The following C6orf163 variants were observed in gnomAD, a reference collection of about 807,000 sequenced individuals.
C6orf163 encodes chromosome 6 open reading frame 163, also known as uncharacterized protein C6orf163.
A neutral mutation model predicts 28.4 loss-of-function variants in C6orf163; 22 were observed. That is an observed-to-expected ratio of 0.78 (90% CI 0.55 to 1.11). The LOEUF is 1.11. Ranked by LOEUF, C6orf163 falls within the 50% of genes least tolerant of loss-of-function variation. The pLI is 0.00. For synonymous variants in C6orf163, 110 were observed against 123.6 expected, an observed-to-expected ratio of 0.89 and a Z score of 0.73; for missense variants, 342 against 389.1, an observed-to-expected ratio of 0.88 and a Z score of 1.02.
At chr6:87,356,721 C>A in intron 4 of C6orf163, 1 of 503,248 alleles carries the variant, frequency 2.0e-6, no homozygotes, top group Admixed American at 3.4e-5. Context: ...ACCTACCACC[C>A]AGCTTAAGGG....
rs568018273 is a variant in C6orf163 at position 87,350,133 on chromosome 6, CA to C, written c.244-260del. ...AAAAGGCAACCCAGCAGCCTACATA[CA>C]GTAAAGCTGCCTTGCCTTTAGCGAT... On this transcript the variant is annotated intron_variant, in intron 2 of 4. Transcript: ENST00000388923. Among the ~76,000 whole-genome samples, 1,006 of 152,350 alleles carry C rather than the reference CA, an allele frequency of 6.6e-3. 6 individuals are homozygous for C. The highest frequency in any genetic ancestry group is 0.012 in the South Asian group (59 of 4,832).
At chr6:87,363,124 T>C (rs1003591026) in intron 4 of C6orf163, among the ~76,000 whole-genome samples, 1 of 152,192 alleles carries the variant, frequency 6.6e-6, no homozygotes, top group South Asian at 2.1e-4. Flanking sequence ...ATTGAATTAA[T>C]GTATGCATAG....
At chr6:87,364,923 A>T (rs1366190186) in intron 4 of C6orf163, 38 bp from the exon 5 acceptor site, 1 of 1,442,150 alleles carries the variant, frequency 6.9e-7, no homozygotes, top group Non-Finnish European at 9.3e-7. Flanking sequence ...TTTAGTGGCC[A>T]ATCCATCTAA....
intron 3 of C6orf163, among the ~76,000 whole-genome samples, chr6:87,354,877 T>C (rs544258422): frequency 1.3e-5 from 2 of 152,336 alleles, no homozygotes; most frequent in Non-Finnish European, 2.9e-5. Context: ...TCTCTTGACT[T>C]TCTCTCAGCT....
At chr6:87,345,298 G>A in intron 1 of C6orf163, 51 bp downstream of exon 1, 3 of 1,434,910 alleles carry the variant, frequency 2.1e-6, no homozygotes, top group African/African-American at 1.5e-5. Flanking sequence ...AGCCTTATGT[G>A]TCATTCTTTC....
intron 3 of C6orf163, 88 bp from the exon 4 acceptor site, chr6:87,356,213 G>A (rs1279531573): frequency 3.8e-6 from 4 of 1,054,916 alleles, no homozygotes; most frequent in Non-Finnish European, 5.6e-6. Context: ...CTAGCAGATA[G>A]ATAAAACTAT....
At chr6:87,364,005 T>C (rs915741972) in intron 4 of C6orf163, among the ~76,000 whole-genome samples, 7 of 152,044 alleles carry the variant, frequency 4.6e-5, no homozygotes, top group Admixed American at 4.6e-4. Flanking sequence ...AAAATTAGGC[T>C]GGGTACAGTG....
Position 87,348,833 on chromosome 6 carries a change from A to G in C6orf163, c.170A>G (p.Lys57Arg). The part of the protein sequence containing the change: ...DILDIGANIL[K>R]KEEQFQEDIL... ...ACAGATATTGGGGCAAATATTCTGA[A>G]AAAAGAAGAGCAGTTTCAAGAAGAT... The change falls in exon 2 of 5, where the codon AAA becomes AGA. Residue 57 changes from lysine (K) to arginine (R), a missense_variant. Coordinates refer to ENST00000388923, the MANE Select transcript of C6orf163 (RefSeq NM_001010868.3). 6.5e-7 allele frequency: 1 copy of G among 1,537,508 alleles called. No individual in the cohort carries two copies. Among genetic ancestry groups the G allele is most frequent in the Non-Finnish European group, 8.7e-7 (1 of 1,146,924 alleles).
intron 1 of C6orf163, chr6:87,347,509 A>G (rs1310353752): frequency 1.0e-6 from 1 of 985,418 alleles, no homozygotes; most frequent in Non-Finnish European, 1.2e-6. Context: ...AATTATTTCT[A>G]CACAATGTTG....
chr6:87,348,416 C>T (rs1289773406), intron 1 of C6orf163: 2 of 991,156 alleles, frequency 2.0e-6, no homozygotes, highest in Non-Finnish European at 2.4e-6. Flanking sequence ...CACTTCCCTT[C>T]TCCTGATGCT....
chr6:87,356,426 A>G lies in C6orf163; in HGVS notation c.477A>G (p.Arg159=), dbSNP rs914305025. 44 of 1,551,704 alleles carry G rather than the reference A, an allele frequency of 2.8e-5. No homozygotes were observed. The highest frequency in any genetic ancestry group is 3.7e-5 in the Non-Finnish European group (42 of 1,147,016). The change falls in exon 4 of 5, where the codon AGA becomes AGG. Residue 159 remains arginine, a synonymous_variant. Coordinates refer to ENST00000388923, the MANE Select transcript of C6orf163 (RefSeq NM_001010868.3). ...RIQRIMMECH[R]EKVEAVEKAR... ...AAAGGATTATGATGGAATGCCACAGAGAGAAGGTCGAAGCTGTGGAGAAAG... is the reference window on the plus strand; with the variant it reads ...AAAGGATTATGATGGAATGCCACAGGGAGAAGGTCGAAGCTGTGGAGAAAG...
chr6:87,358,760 G>A (rs1777542321), intron 4 of C6orf163, among the ~76,000 whole-genome samples: 1 of 152,116 alleles, frequency 6.6e-6, no homozygotes. Flanking sequence ...AAGGCCTTTT[G>A]TATACTCCCT....
chr6:87,361,068 G>A (rs1212540593), intron 4 of C6orf163, among the ~76,000 whole-genome samples: 2 of 152,116 alleles, frequency 1.3e-5, no homozygotes, highest in Admixed American at 1.3e-4. Flanking sequence ...GGAGGCTGAG[G>A]TAGGAGGATC....
rs146691247 is a variant in C6orf163 at position 87,362,445 on chromosome 6, C to G, written c.555-2516C>G. Among the ~76,000 whole-genome samples, 95 of 152,224 alleles carry G rather than the reference C, an allele frequency of 6.2e-4. No individual in the cohort carries two copies. The Middle Eastern group carries it at 0.01, about 16-fold the overall frequency. ...TGAGCCAAGATGGTGCCACTGCACT[C>G]CAGCCTGGACAACAGAGCAAGATTC... is the stretch of plus-strand genomic sequence containing the variant. On this transcript the variant is annotated intron_variant, in intron 4 of 4. Transcript: ENST00000388923.
intron 4 of C6orf163, among the ~76,000 whole-genome samples, chr6:87,364,477 C>T (rs559113407): frequency 1.4e-4 from 22 of 152,068 alleles, no homozygotes; most frequent in Non-Finnish European, 2.4e-4. Flanking sequence ...AAAGAGCTCC[C>T]GAGACCAAAA....
intron 4 of C6orf163, among the ~76,000 whole-genome samples, chr6:87,363,282 T>C (rs1777604123): frequency 6.6e-6 from 1 of 152,092 alleles, no homozygotes; most frequent in African/African-American, 2.4e-5. Flanking sequence ...TCAAGGTCCC[T>C]GAGACTCTTT....
At chr6:87,360,304 T>C (rs1306666023) in intron 4 of C6orf163, among the ~76,000 whole-genome samples, 2 of 152,140 alleles carry the variant, frequency 1.3e-5, no homozygotes, top group Non-Finnish European at 2.9e-5. Flanking sequence ...GACTAATTTA[T>C]GTACATTGAA....
chr6:87,360,024 G>A (rs1777559068), intron 4 of C6orf163, among the ~76,000 whole-genome samples: 1 of 152,140 alleles, frequency 6.6e-6, no homozygotes, highest in African/African-American at 2.4e-5. Context: ...TGGTTGAGGT[G>A]GTTGGTCCAA....
At chr6:87,354,777 G>T (rs1359388567) in intron 3 of C6orf163, among the ~76,000 whole-genome samples, 1 of 152,194 alleles carries the variant, frequency 6.6e-6, no homozygotes, top group Non-Finnish European at 1.5e-5. Flanking sequence ...TCATGAAAAA[G>T]CTGAAAGGTT....
Sources: gnomAD v4.1 joint callset for allele counts (sites outside exome capture counted in the v4.1 genomes callset) on GRCh38, gnomAD v4.1.1 for gene constraint, MANE v1.5 for transcripts, NCBI Gene and HGNC (gene_info 2026-07-23, HGNC 2026-07-21) for gene names.